Variants in PMFBP1 observed in about 807,000 individuals in gnomAD.
The protein encoded by PMFBP1 is polyamine-modulated factor 1-binding protein 1.
A neutral mutation model predicts 137.8 loss-of-function variants in PMFBP1; 131 were observed. That is an observed-to-expected ratio of 0.95 (90% CI 0.82 to 1.10). The LOEUF (loss-of-function observed/expected upper bound fraction) is 1.10. PMFBP1 is among the 50% of genes least tolerant of loss of function. The pLI is 0.00. For missense variants in PMFBP1, 1,199 were observed against 1,175.4 expected (o/e 1.02, Z -0.29); for synonymous variants, 490 against 450.4 (o/e 1.09, Z -1.11).
chr16:72,231,143 G>A, the PMFBP1 span, among the ~76,000 whole-genome samples: 1 of 152,148 alleles, frequency 6.6e-6, no homozygotes, highest in Non-Finnish European at 1.5e-5. Flanking sequence ...CACTGGAAGG[G>A]CACAGAGGAT....
rs1442817630 is a variant in PMFBP1 at position 72,128,687 on chromosome 16, G to T, written c.2058C>A (p.Ser686Arg). The part of the protein sequence containing the change: ...LESSLNKYNT[S>R]QQVIQDLNKE... ...TATTCAAGTCTTGGATGACTTGCTG[G>T]CTGGTGTTGTATTTGTTGAGAGAGG... is the stretch of plus-strand genomic sequence containing the variant. The change falls in exon 14 of 21, where the codon AGC (serine) becomes AGA (arginine). Residue 686 changes from serine to arginine, a missense_variant. Ser to Arg is a moderately radical substitution (Grantham distance 110). Transcript: ENST00000237353. The T allele has an allele frequency of 6.2e-7, 1 of 1,614,124 alleles. No individual in the cohort carries two copies. Among genetic ancestry groups the T allele is most frequent in the East Asian group, 2.2e-5 (1 of 44,872 alleles).
chr16:72,164,371 C>T (rs1313762972), intron 3 of PMFBP1: 9 of 1,282,106 alleles, frequency 7.0e-6, no homozygotes, highest in East Asian at 5.5e-5. Flanking sequence ...ACACTGATAC[C>T]TTAGAGCAGG....
upstream of PMFBP1, among the ~76,000 whole-genome samples, chr16:72,172,810 T>G (rs2043233798): frequency 2.0e-5 from 3 of 152,182 alleles, no homozygotes; most frequent in Admixed American, 1.3e-4. Flanking sequence ...TTAAAAATAC[T>G]TTGTTGCTAA....
chr16:72,177,686 T>C (rs560922794), upstream of PMFBP1, among the ~76,000 whole-genome samples: 13 of 152,316 alleles, frequency 8.5e-5, no homozygotes, highest in South Asian at 4.1e-4. Flanking sequence ...GCATACTTTG[T>C]TAGGATGTCA....
At chr16:72,186,281 T>C in the PMFBP1 span, among the ~76,000 whole-genome samples, 28 of 152,330 alleles carry the variant, frequency 1.8e-4, 1 homozygote, top group South Asian at 5.2e-3. Flanking sequence ...TACTTTGAAG[T>C]TGCAGTATGT....
chr16:72,172,461 T>C (rs889709855), upstream of PMFBP1: 6 of 148,948 alleles, frequency 4.0e-5, no homozygotes, highest in East Asian at 1.2e-3. Context: ...ATCTAGTATG[T>C]TGCCTGTTGC....
chr16:72,227,702 T>C, the PMFBP1 span, among the ~76,000 whole-genome samples: 1 of 152,084 alleles, frequency 6.6e-6, no homozygotes, highest in African/African-American at 2.4e-5. Flanking sequence ...AGAATTCCAA[T>C]CCCACCCCTC....
the PMFBP1 span, among the ~76,000 whole-genome samples, chr16:72,185,295 A>G: frequency 6.6e-6 from 1 of 152,008 alleles, no homozygotes; most frequent in East Asian, 1.9e-4. Flanking sequence ...AAGTGCTGGG[A>G]TTACAGGCAT....
chr16:72,161,655 A>G (rs1396187938), intron 3 of PMFBP1, among the ~76,000 whole-genome samples: 1 of 152,168 alleles, frequency 6.6e-6, no homozygotes, highest in Admixed American at 6.5e-5. Flanking sequence ...GCTTTCCCTA[A>G]GGTTAACTTC....
intron 17 of PMFBP1, among the ~76,000 whole-genome samples, chr16:72,124,355 T>G (rs1057258837): frequency 6.6e-6 from 1 of 152,218 alleles, no homozygotes; most frequent in Non-Finnish European, 1.5e-5. Context: ...AGTGGCCACC[T>G]GAGCTGTCCT....
At chr16:72,119,615 G>A in intron 20 of PMFBP1, 2 of 1,443,666 alleles carry the variant, frequency 1.4e-6, no homozygotes, top group Non-Finnish European at 1.8e-6. Context: ...GGTCAGGGGA[G>A]GGGGCAGGTC....
Position 72,126,011 on chromosome 16 carries a change from T to G in PMFBP1, c.2210A>C (p.Lys737Thr). ...TKEAYDALSR[K>T]SAACQDDLTQ... is the part of the protein sequence containing the mutation. ...CAGGTCATCCTGGCAGGCGGCTGAC[T>G]TCCGGGATAATGCATCATAGGCTTC... is the stretch of plus-strand genomic sequence containing the variant. The change falls in exon 15 of 21, where the codon AAG becomes ACG. Residue 737 changes from lysine (K) to threonine (T), a missense_variant. Lys to Thr is a moderately conservative substitution (Grantham distance 78). Transcript: ENST00000237353. The G allele has an allele frequency of 6.2e-7, 1 of 1,614,216 alleles. No individual in the cohort carries two copies. The highest frequency in any genetic ancestry group is 8.5e-7 in the Non-Finnish European group (1 of 1,180,030).
chr16:72,156,841 C>T lies in PMFBP1; in HGVS notation c.166-2382G>A, dbSNP rs554945851. Among the ~76,000 whole-genome samples, 14 of 152,064 alleles carry T rather than the reference C, an allele frequency of 9.2e-5. No individual in the cohort carries two copies. In the South Asian group the frequency reaches 2.5e-3, roughly 27 times the overall value. The stretch of plus-strand genomic sequence containing the variant: ...AATGTGCTCAGCAAATAATGTGGTA[C>T]ACCTAGTATATCAAGCACTACACTA... On this transcript the variant is annotated intron_variant, in intron 3 of 20. Coordinates refer to ENST00000237353, the MANE Select transcript of PMFBP1 (RefSeq NM_031293.3).
At chr16:72,154,097 G>T in intron 4 of PMFBP1, 114 bp downstream of exon 4, 1 of 1,383,232 alleles carries the variant, frequency 7.2e-7, no homozygotes, top group Non-Finnish European at 9.8e-7. Flanking sequence ...TATAAAACCT[G>T]CTCGGGATGT....
At chr16:72,123,698 T>C (rs1428991523) in intron 17 of PMFBP1, 49 bp from the exon 18 acceptor site, 2 of 1,523,806 alleles carry the variant, frequency 1.3e-6, no homozygotes, top group African/African-American at 1.4e-5. Flanking sequence ...AGCACAGGCC[T>C]GTCAGCCCTC....
chr16:72,161,345 G>A (rs545471053), intron 3 of PMFBP1, among the ~76,000 whole-genome samples: 4 of 152,022 alleles, frequency 2.6e-5, no homozygotes, highest in South Asian at 2.1e-4. Context: ...TGATCCACCC[G>A]CCTCAGCCTC....
At chr16:72,140,615 C>T (rs759476643) in intron 5 of PMFBP1, 33 bp from the exon 6 acceptor site, 1 of 1,588,960 alleles carries the variant, frequency 6.3e-7, no homozygotes, top group Admixed American at 1.7e-5. Context: ...GTTGATTTTG[C>T]TTATAGTTTG....
the PMFBP1 span, among the ~76,000 whole-genome samples, chr16:72,249,940 A>AAAAAG: frequency 6.6e-6 from 1 of 151,040 alleles, no homozygotes; most frequent in Admixed American, 6.6e-5. Flanking sequence ...AAAAAAAAAA[A>AAAAAG]AAAAGAAAGA....
chr16:72,177,881 T>A (rs1002552592), upstream of PMFBP1, among the ~76,000 whole-genome samples: 2 of 152,098 alleles, frequency 1.3e-5, no homozygotes, highest in African/African-American at 4.8e-5. Flanking sequence ...GCCCCTCAAT[T>A]TGAATTTGCC....
Sources: gnomAD v4.1 joint callset for allele counts (sites outside exome capture counted in the v4.1 genomes callset) on GRCh38, gnomAD v4.1.1 for gene constraint, MANE v1.5 for transcripts, NCBI Gene and HGNC (gene_info 2026-07-23, HGNC 2026-07-21) for gene names.